Variants in ELAPOR2 observed in about 807,000 individuals in gnomAD.
ELAPOR2 encodes endosome/lysosome-associated apoptosis and autophagy regulator family member 2.
ELAPOR2 carries 89 observed loss-of-function variants against 120.7 expected under a neutral mutation model. The observed-to-expected ratio is 0.74, with a 90% CI of 0.62 to 0.88. The LOEUF is 0.88. ELAPOR2 is among the 40% of genes least tolerant of loss of function. ELAPOR2 has a pLI of 0.00. For synonymous variants in ELAPOR2, 444 were observed against 444.9 expected, an observed-to-expected ratio of 1.00 and a Z score of 0.03; for missense variants, 1,134 against 1,251.6, an observed-to-expected ratio of 0.91 and a Z score of 1.42.
intron 1 of ELAPOR2, among the ~76,000 whole-genome samples, chr7:87,033,437 G>T (rs1794480851): frequency 6.6e-6 from 1 of 152,050 alleles, no homozygotes; most frequent in Non-Finnish European, 1.5e-5. Flanking sequence ...CAACATATCA[G>T]GGAAAAATCA....
At chr7:86,904,585 A>T (rs1469171221) in intron 18 of ELAPOR2, among the ~76,000 whole-genome samples, 1 of 152,196 alleles carries the variant, frequency 6.6e-6, no homozygotes, top group Admixed American at 6.5e-5. Context: ...ACTTTATGGA[A>T]CTAGAAGCCA....
At chr7:87,003,273 C>T (rs1335277048) in intron 1 of ELAPOR2, among the ~76,000 whole-genome samples, 1 of 152,084 alleles carries the variant, frequency 6.6e-6, no homozygotes, top group African/African-American at 2.4e-5. Context: ...ATGGTACCAG[C>T]CAAGAACCCC....
intron 19 of ELAPOR2, among the ~76,000 whole-genome samples, chr7:86,897,219 T>G (rs1788477300): frequency 6.6e-6 from 1 of 152,088 alleles, no homozygotes; most frequent in African/African-American, 2.4e-5. Flanking sequence ...ATACCTACAT[T>G]ATGTAAATCA....
intron 1 of ELAPOR2, among the ~76,000 whole-genome samples, chr7:87,044,784 G>T (rs1237756060): frequency 6.6e-6 from 1 of 151,342 alleles, no homozygotes; most frequent in African/African-American, 2.4e-5. Flanking sequence ...AACAGCTTCT[G>T]CACAGCAAAA....
intron 1 of ELAPOR2, among the ~76,000 whole-genome samples, chr7:87,044,498 C>A (rs1184767087): frequency 4.5e-5 from 6 of 131,998 alleles, no homozygotes; most frequent in African/African-American, 1.2e-4. Flanking sequence ...GAAAAACAAG[C>A]AATGGGGAAA....
intron 12 of ELAPOR2, among the ~76,000 whole-genome samples, chr7:86,915,574 C>T (rs1260033582): frequency 1.3e-5 from 2 of 151,480 alleles, no homozygotes; most frequent in East Asian, 3.9e-4. Context: ...GATAATGTAA[C>T]ATACATCTAA....
At chr7:86,932,379 C>T (rs555944264) in intron 8 of ELAPOR2, among the ~76,000 whole-genome samples, 1 of 151,928 alleles carries the variant, frequency 6.6e-6, no homozygotes, top group African/African-American at 2.4e-5. Flanking sequence ...AGTCAGGGCT[C>T]CCATCCAATT....
At chr7:87,026,862 C>T (rs553472951) in intron 1 of ELAPOR2, among the ~76,000 whole-genome samples, 2 of 151,848 alleles carry the variant, frequency 1.3e-5, no homozygotes, top group Non-Finnish European at 1.5e-5. Flanking sequence ...GGCCTGTATC[C>T]CAATTAAAAC....
intron 1 of ELAPOR2, among the ~76,000 whole-genome samples, chr7:87,025,970 T>C (rs1322895180): frequency 1.3e-5 from 2 of 152,110 alleles, no homozygotes; most frequent in Non-Finnish European, 2.9e-5. Flanking sequence ...AAAGCAAACC[T>C]TAAACAAACA....
intron 1 of ELAPOR2, among the ~76,000 whole-genome samples, chr7:86,998,820 A>G (rs1456755962): frequency 2.0e-5 from 3 of 150,356 alleles, no homozygotes; most frequent in Admixed American, 2.0e-4. Flanking sequence ...TATTCTACCA[A>G]TTCTTTTTAG....
intron 8 of ELAPOR2, 70 bp from the exon 9 acceptor site, chr7:86,926,986 G>A: frequency 1.5e-6 from 2 of 1,367,942 alleles, no homozygotes; most frequent in South Asian, 1.8e-5. Flanking sequence ...TCTTAAACTG[G>A]CAGTATAGGA....
chr7:87,036,776 C>T (rs746846684), intron 1 of ELAPOR2, among the ~76,000 whole-genome samples: 10 of 152,018 alleles, frequency 6.6e-5, no homozygotes, highest in Non-Finnish European at 1.2e-4. Context: ...ACACTACAGA[C>T]TATTAGAAAG....
chr7:86,891,970 A>G (rs1217986081), intron 20 of ELAPOR2, 81 bp from the exon 21 acceptor site: 34 of 902,042 alleles, frequency 3.8e-5, no homozygotes, highest in Non-Finnish European at 4.2e-5. Flanking sequence ...GTGGTAATAT[A>G]CCAGCTCATT....
chr7:86,896,475 T>C (rs1415957766), intron 19 of ELAPOR2, among the ~76,000 whole-genome samples: 5 of 152,076 alleles, frequency 3.3e-5, no homozygotes, highest in African/African-American at 1.2e-4. Context: ...CTGATTTCAT[T>C]CCTCTCAAGC....
chr7:87,044,018 AG>A (rs1794866493), intron 1 of ELAPOR2, among the ~76,000 whole-genome samples: 1 of 145,156 alleles, frequency 6.9e-6, no homozygotes, highest in African/African-American at 2.6e-5. Context: ...TGCTTCAAAG[AG>A]AATAAAATAC....
At chr7:86,912,803 A>G in intron 14 of ELAPOR2, 138 bp downstream of exon 14, 2 of 998,394 alleles carry the variant, frequency 2.0e-6, no homozygotes, top group Non-Finnish European at 2.9e-6. Flanking sequence ...AAGGGAGAAA[A>G]CAGAAATGGT....
intron 1 of ELAPOR2, among the ~76,000 whole-genome samples, chr7:87,018,095 C>T (rs114037422): frequency 0.017 from 2,601 of 152,044 alleles, 77 homozygotes; most frequent in African/African-American, 0.059. Context: ...AGGCCCAGTA[C>T]AGTGGCGCAA....
intron 10 of ELAPOR2, chr7:86,920,759 T>C (rs1266997684): frequency 2.0e-5 from 3 of 152,132 alleles, no homozygotes; most frequent in Non-Finnish European, 2.9e-5. Flanking sequence ...GTCCTCTCCA[T>C]TACCTGCAGG....
At chr7:86,968,028 A>G (rs1036569227) in intron 1 of ELAPOR2, among the ~76,000 whole-genome samples, 2 of 152,308 alleles carry the variant, frequency 1.3e-5, no homozygotes, top group South Asian at 2.1e-4. Flanking sequence ...ATAATAAAAA[A>G]CAACAAAAAA....
Sources: gnomAD v4.1 joint callset for allele counts (sites outside exome capture counted in the v4.1 genomes callset) on GRCh38, gnomAD v4.1.1 for gene constraint, MANE v1.5 for transcripts, NCBI Gene and HGNC (gene_info 2026-07-23, HGNC 2026-07-21) for gene names.